The following LYPD6 variants were observed in gnomAD, a reference collection of about 807,000 sequenced individuals.
LYPD6 encodes ly6/PLAUR domain-containing protein 6.
In LYPD6, 15 loss-of-function variants were observed where a neutral mutation model predicts 22.7. That is an observed-to-expected ratio of 0.66 (90% CI 0.44 to 1.02). LYPD6 has a LOEUF of 1.02. Among genes scored for constraint, LYPD6 ranks in the 50% least tolerant of loss-of-function variants. The pLI is 0.00. For synonymous variants in LYPD6, 72 were observed against 77.5 expected (o/e 0.93, Z 0.37); for missense variants, 189 against 208.4 (o/e 0.91, Z 0.57).
At chr2:149,408,787 T>G (rs1378601476) in intron 1 of LYPD6, among the ~76,000 whole-genome samples, 1 of 152,222 alleles carries the variant, frequency 6.6e-6, no homozygotes, top group Non-Finnish European at 1.5e-5. Flanking sequence ...CTCTTCAATT[T>G]CACTGAAGAA....
Position 149,431,528 on chromosome 2 carries a change from A to G in LYPD6, c.-71-6110A>G, listed in dbSNP as rs1334841678. 2.6e-5 allele frequency among the ~76,000 whole-genome samples: 4 copies of G among 152,334 alleles called. No individual in the cohort carries two copies. The East Asian group carries it at 7.7e-4, about 29-fold the overall frequency. ...ATTTTTCATTTTTCAGTTCCTAGAA[A>G]ATACTAATAGAGTGAGTGGTGCTTC... is the stretch of plus-strand genomic sequence containing the variant. On this transcript the variant is annotated intron_variant, in intron 1 of 4. Coordinates refer to ENST00000334166, the MANE Select transcript of LYPD6 (RefSeq NM_194317.5).
At chr2:149,339,197 A>T (rs182289301) in intron 1 of LYPD6, among the ~76,000 whole-genome samples, 1 of 152,312 alleles carries the variant, frequency 6.6e-6, no homozygotes, top group Non-Finnish European at 1.5e-5. Flanking sequence ...GACCAACCCA[A>T]AGACTACGTA....
intron 1 of LYPD6, among the ~76,000 whole-genome samples, chr2:149,389,782 A>G (rs1248227183): frequency 1.3e-5 from 2 of 152,038 alleles, no homozygotes; most frequent in Non-Finnish European, 2.9e-5. Flanking sequence ...AATTAGTCAG[A>G]CACTCCCCCT....
Position 149,405,676 on chromosome 2 carries a change from C to A in LYPD6, c.-71-31962C>A, listed in dbSNP as rs867740685. 1.8e-4 allele frequency among the ~76,000 whole-genome samples: 27 copies of A among 152,142 alleles called. No individual in the cohort carries two copies. The South Asian group carries it at 3.9e-3, about 22-fold the overall frequency. On this transcript the variant is annotated intron_variant, in intron 1 of 4. Coordinates refer to ENST00000334166, the MANE Select transcript of LYPD6 (RefSeq NM_194317.5). ...TCTATCAATTTTGTTGATCCTTTCA[C>A]AAAACCAGCTCCTGGATTCATTAAT...
chr2:149,446,873 A>G (rs1032849724), intron 2 of LYPD6, among the ~76,000 whole-genome samples: 3 of 152,194 alleles, frequency 2.0e-5, no homozygotes, highest in African/African-American at 7.2e-5. Flanking sequence ...AATCAAAGTG[A>G]TATCTGGTCC....
chr2:149,457,076 A>G (rs967437650), intron 3 of LYPD6, among the ~76,000 whole-genome samples: 3 of 152,226 alleles, frequency 2.0e-5, no homozygotes, highest in African/African-American at 7.2e-5. Flanking sequence ...TGCACGTTCT[A>G]GGACTTATCA....
At position 149,400,235 on chromosome 2, in the gene LYPD6, C is replaced by T. The variant is rs1682523272; in HGVS notation, c.-71-37403C>T. On this transcript the variant is annotated intron_variant, in intron 1 of 4. Coordinates refer to ENST00000334166, the MANE Select transcript of LYPD6 (RefSeq NM_194317.5). Reference sequence around the variant, plus strand: ...GAGCACTTCTTGCCACTTATTCTACCCTCCTGGGTTACCCAGCTCTTACCA... The same window carrying T: ...GAGCACTTCTTGCCACTTATTCTACTCTCCTGGGTTACCCAGCTCTTACCA... Among the ~76,000 whole-genome samples the T allele has an allele frequency of 2.6e-5, 4 of 152,234 alleles. 1 individual carries two copies. In the South Asian group the frequency reaches 8.3e-4, roughly 31 times the overall value.
intron 1 of LYPD6, among the ~76,000 whole-genome samples, chr2:149,407,810 T>A (rs1478987444): frequency 6.6e-6 from 1 of 152,224 alleles, no homozygotes; most frequent in African/African-American, 2.4e-5. Flanking sequence ...AGAGGCACTC[T>A]GGTTTTTAGA....
At chr2:149,483,244 A>G in the LYPD6 span, among the ~76,000 whole-genome samples, 138 of 152,270 alleles carry the variant, frequency 9.1e-4, no homozygotes, top group Non-Finnish European at 1.6e-3. Flanking sequence ...AAAACCTTTG[A>G]CCAGGGAACT....
intron 1 of LYPD6, among the ~76,000 whole-genome samples, chr2:149,393,144 C>T (rs575394832): frequency 9.2e-5 from 14 of 152,286 alleles, no homozygotes; most frequent in East Asian, 3.9e-4. Context: ...CCCTTGCTTC[C>T]GAAGTTACAA....
intron 1 of LYPD6, among the ~76,000 whole-genome samples, chr2:149,361,582 G>T (rs1227465960): frequency 6.6e-6 from 1 of 152,160 alleles, no homozygotes; most frequent in Non-Finnish European, 1.5e-5. Flanking sequence ...AGAGCACTTT[G>T]TTTCTTCTCT....
intron 1 of LYPD6, among the ~76,000 whole-genome samples, chr2:149,406,822 T>G (rs1479540173): frequency 6.6e-6 from 1 of 152,242 alleles, no homozygotes; most frequent in Non-Finnish European, 1.5e-5. Context: ...AGTTTCTTCC[T>G]AGCCTCAATG....
chr2:149,380,151 A>G (rs1682026661), intron 1 of LYPD6, among the ~76,000 whole-genome samples: 1 of 152,222 alleles, frequency 6.6e-6, no homozygotes, highest in Admixed American at 6.5e-5. Context: ...AGTGTGAGAA[A>G]TAGCAAGCGG....
chr2:149,459,087 A>G lies in LYPD6; in HGVS notation c.218-9558A>G, dbSNP rs114094522. Among the ~76,000 whole-genome samples, 712 of 152,370 alleles carry G rather than the reference A, an allele frequency of 4.7e-3. 6 individuals carry two copies. Among genetic ancestry groups the G allele is most frequent in the African/African-American group, 0.017 (698 of 41,596 alleles). ...AAGCTGAGCAAACCCCAAAGAGGACAAAACTAAAGCAATCCACACAAAAAC... is the reference window on the plus strand; with the variant it reads ...AAGCTGAGCAAACCCCAAAGAGGACGAAACTAAAGCAATCCACACAAAAAC... On this transcript the variant is annotated intron_variant, in intron 3 of 4. Coordinates refer to ENST00000334166, the MANE Select transcript of LYPD6 (RefSeq NM_194317.5).
At chr2:149,486,166 A>G in the LYPD6 span, among the ~76,000 whole-genome samples, 3 of 152,196 alleles carry the variant, frequency 2.0e-5, no homozygotes, top group African/African-American at 4.8e-5. Flanking sequence ...CAACACACCA[A>G]TATTGATTTC....
intron 1 of LYPD6, among the ~76,000 whole-genome samples, chr2:149,380,106 A>AC (rs1395002766): frequency 6.6e-6 from 1 of 152,136 alleles, no homozygotes; most frequent in African/African-American, 2.4e-5. Context: ...AGGAAAGAGC[A>AC]CATGCAGATG....
chr2:149,388,176 C>CT (rs1559134037), intron 1 of LYPD6, among the ~76,000 whole-genome samples: 1 of 96,548 alleles, frequency 1.0e-5, no homozygotes. Context: ...TTCTCTCTCT[C>CT]TCTCTTTTTT....
intron 1 of LYPD6, among the ~76,000 whole-genome samples, chr2:149,347,394 G>T (rs1681277888): frequency 6.6e-6 from 1 of 152,066 alleles, no homozygotes; most frequent in African/African-American, 2.4e-5. Context: ...TCTTTTTTAG[G>T]TTGGGCAGGG....
intron 1 of LYPD6, among the ~76,000 whole-genome samples, chr2:149,409,529 G>A (rs1358911801): frequency 1.3e-5 from 2 of 152,158 alleles, no homozygotes; most frequent in Non-Finnish European, 2.9e-5. Context: ...TATGGCCTTT[G>A]TCTTTGGTTA....
Sources: gnomAD v4.1 joint callset for allele counts (sites outside exome capture counted in the v4.1 genomes callset) on GRCh38, gnomAD v4.1.1 for gene constraint, MANE v1.5 for transcripts, NCBI Gene and HGNC (gene_info 2026-07-23, HGNC 2026-07-21) for gene names.